FAM135B: variants seen among roughly 807,000 people sequenced by gnomAD.
FAM135B encodes protein FAM135B.
Under a neutral mutation model 127.7 loss-of-function variants are expected in FAM135B, and 43 were observed. The ratio of observed to expected loss-of-function variants is 0.34; its 90% CI spans 0.26 to 0.43. The LOEUF (loss-of-function observed/expected upper bound fraction) is 0.43. Among genes scored for constraint, FAM135B ranks in the 20% least tolerant of loss-of-function variants. The pLI is 1.00. For synonymous variants in FAM135B, 670 were observed against 665.1 expected, an observed-to-expected ratio of 1.01 and a Z score of -0.11; for missense variants, 1,558 against 1,725.6, an observed-to-expected ratio of 0.90 and a Z score of 1.72.
At chr8:138,232,716 A>T (rs910425724) in intron 7 of FAM135B, among the ~76,000 whole-genome samples, 5 of 152,146 alleles carry the variant, frequency 3.3e-5, no homozygotes, top group African/African-American at 1.2e-4. Context: ...TTAACTATAA[A>T]ACTTTTTTCT....
chr8:138,267,857 C>T (rs1183807005), intron 3 of FAM135B, among the ~76,000 whole-genome samples: 2 of 152,212 alleles, frequency 1.3e-5, no homozygotes. Context: ...TTTAGACCTG[C>T]TGTATTCAAA....
At position 138,242,902 on chromosome 8, in the gene FAM135B, G is replaced by A. The variant is rs369969221; in HGVS notation, c.669+40C>T. Reference sequence around the variant, plus strand: ...TAGAACATACACTCTGCAAAGTAAAGTTTGAAAGTTTTGAAGCAACTGCCC... The same window carrying A: ...TAGAACATACACTCTGCAAAGTAAAATTTGAAAGTTTTGAAGCAACTGCCC... On this transcript the variant is annotated intron_variant, in intron 7 of 19. Transcript: ENST00000395297. The surrounding 1 kb of genome is among the most constrained non-coding windows in gnomAD (Gnocchi z 9.6). The A allele has an allele frequency of 1.7e-5, 27 of 1,589,368 alleles. No homozygotes were observed. The East Asian group carries it at 5.6e-4, about 33-fold the overall frequency.
chr8:138,478,504 A>G (rs1326758623), intron 1 of FAM135B, among the ~76,000 whole-genome samples: 1 of 152,068 alleles, frequency 6.6e-6, no homozygotes, highest in Non-Finnish European at 1.5e-5. Context: ...ATAACTTCCA[A>G]ATTATTTGTT....
At chr8:138,403,208 A>G (rs1182932116) in intron 1 of FAM135B, among the ~76,000 whole-genome samples, 1 of 151,918 alleles carries the variant, frequency 6.6e-6, no homozygotes, top group Admixed American at 6.6e-5. Context: ...CAATGAGACA[A>G]CTCCTTACCA....
chr8:138,449,195 C>T (rs1050759141), intron 1 of FAM135B, among the ~76,000 whole-genome samples: 13 of 152,172 alleles, frequency 8.5e-5, no homozygotes, highest in African/African-American at 3.1e-4. Context: ...CATTCAAATG[C>T]TTCTCACATA....
In FAM135B at chr8:138,462,790, C is replaced by T. The variant is rs934940012; in HGVS notation, c.-20+33881G>A. On this transcript the variant is annotated intron_variant, in intron 1 of 19. Transcript: ENST00000395297. Reference sequence around the variant, plus strand: ...TGCAAAGAAACAAGATAGGTCAAGACGTGGAAATGAGAGGAAGGAGGTCCA... The same window carrying T: ...TGCAAAGAAACAAGATAGGTCAAGATGTGGAAATGAGAGGAAGGAGGTCCA... Among the ~76,000 whole-genome samples the T allele has an allele frequency of 4.2e-4, 64 of 152,250 alleles. 1 individual carries two copies. Among genetic ancestry groups the T allele is most frequent in the Admixed American group, 2.7e-3 (41 of 15,284 alleles).
chr8:138,448,193 C>T lies in FAM135B; in HGVS notation c.-20+48478G>A, dbSNP rs908003563. ...TGTGATGGTTGATTTTCTGGGTCAA[C>T]ATGCCTGGGTTACGGGGTGCCCAGA... On this transcript the variant is annotated intron_variant, in intron 1 of 19. Transcript: ENST00000395297. Among the ~76,000 whole-genome samples the T allele has an allele frequency of 2.0e-5, 3 of 151,782 alleles. No homozygotes were observed. In the South Asian group the frequency reaches 6.2e-4, roughly 32 times the overall value.
In FAM135B at chr8:138,151,462, C is replaced by T. The variant is rs759104100; in HGVS notation, c.3013G>A (p.Ala1005Thr). 3 of 1,614,108 alleles carry T rather than the reference C, an allele frequency of 1.9e-6. No homozygotes were observed. Among genetic ancestry groups the T allele is most frequent in the East Asian group, 2.2e-5 (1 of 44,892 alleles). The change falls in exon 13 of 20, where the codon GCA becomes ACA. Residue 1005 changes from alanine (A) to threonine (T), a missense_variant. Ala to Thr is a moderately conservative substitution (Grantham distance 58, BLOSUM62 0). Coordinates refer to ENST00000395297, the MANE Select transcript of FAM135B (RefSeq NM_015912.4). ...SQVLKNQELKAGTSIMGSHLT... is the reference protein window; with the variant it reads ...SQVLKNQELKTGTSIMGSHLT... ...TGGGACCCCATGATGGAAGTGCCTGCCTTCAGCTCTTGGTTTTTCAAAACC... is the reference window on the plus strand; with the variant it reads ...TGGGACCCCATGATGGAAGTGCCTGTCTTCAGCTCTTGGTTTTTCAAAACC...
At position 138,333,007 on chromosome 8, in the gene FAM135B, A is replaced by G. The variant is rs1422775407; in HGVS notation, c.78-22087T>C. Among the ~76,000 whole-genome samples, 4 of 151,188 alleles carry G rather than the reference A, an allele frequency of 2.6e-5. No individual in the cohort carries two copies. In the East Asian group the frequency reaches 5.9e-4, roughly 22 times the overall value. On this transcript the variant is annotated intron_variant, in intron 2 of 19. Coordinates refer to ENST00000395297, the MANE Select transcript of FAM135B (RefSeq NM_015912.4). ...CGCACACACACACACACACACACACACGCTTGTATTTTAGATTAACAGTCC... is the reference window on the plus strand; with the variant it reads ...CGCACACACACACACACACACACACGCGCTTGTATTTTAGATTAACAGTCC...
At chr8:138,492,399 C>T (rs952490133) in intron 1 of FAM135B, among the ~76,000 whole-genome samples, 1 of 152,046 alleles carries the variant, frequency 6.6e-6, no homozygotes, top group Non-Finnish European at 1.5e-5. Flanking sequence ...TTTTTCCCAC[C>T]TCTCATTACC....
intron 1 of FAM135B, among the ~76,000 whole-genome samples, chr8:138,474,616 A>G (rs956739100): frequency 2.6e-5 from 4 of 152,186 alleles, no homozygotes; most frequent in African/African-American, 9.7e-5. Context: ...TCCTACACAC[A>G]GTCACACAGC....
At chr8:138,436,551 CCA>C (rs1181559875) in intron 1 of FAM135B, among the ~76,000 whole-genome samples, 1 of 152,106 alleles carries the variant, frequency 6.6e-6, no homozygotes, top group Non-Finnish European at 1.5e-5. Context: ...GTCTGTGTTC[CCA>C]GGGACCTCCT....
intron 3 of FAM135B, among the ~76,000 whole-genome samples, chr8:138,275,695 T>TA (rs552700213): frequency 0.017 from 2,474 of 147,398 alleles, 31 homozygotes; most frequent in Non-Finnish European, 0.026. Flanking sequence ...AGTTTGTCTC[T>TA]AAAAAAAAAA....
chr8:138,308,222 C>A (rs906214747), intron 3 of FAM135B, among the ~76,000 whole-genome samples: 1 of 152,190 alleles, frequency 6.6e-6, no homozygotes, highest in Non-Finnish European at 1.5e-5. Flanking sequence ...CCAGCTGTCG[C>A]TCATCTGGTG....
At chr8:138,189,073 C>T (rs1031793475) in intron 9 of FAM135B, among the ~76,000 whole-genome samples, 5 of 152,212 alleles carry the variant, frequency 3.3e-5, no homozygotes, top group African/African-American at 1.2e-4. Context: ...ACCCCCCATC[C>T]TATGCCCATA....
chr8:138,278,157 T>A (rs1823976137), intron 3 of FAM135B, among the ~76,000 whole-genome samples: 1 of 151,894 alleles, frequency 6.6e-6, no homozygotes, highest in South Asian at 2.1e-4. Context: ...GGAGAACAGG[T>A]CATCTGGTAG....
intron 3 of FAM135B, among the ~76,000 whole-genome samples, chr8:138,285,283 A>G (rs1220896700): frequency 6.6e-6 from 1 of 151,578 alleles, no homozygotes; most frequent in Non-Finnish European, 1.5e-5. Context: ...GGTAGCTGGA[A>G]TTACAGGCAC....
intron 3 of FAM135B, among the ~76,000 whole-genome samples, chr8:138,279,037 C>T (rs1824060878): frequency 6.6e-6 from 1 of 152,178 alleles, no homozygotes; most frequent in Admixed American, 6.5e-5. Flanking sequence ...ATTGATAATT[C>T]TCAGAAGTCC....
chr8:138,475,630 C>T (rs1814384541), intron 1 of FAM135B, among the ~76,000 whole-genome samples: 1 of 152,286 alleles, frequency 6.6e-6, no homozygotes, highest in Non-Finnish European at 1.5e-5. Context: ...TTTAGTTACT[C>T]AATATCCGCT....
Sources: gnomAD v4.1 joint callset for allele counts (sites outside exome capture counted in the v4.1 genomes callset) on GRCh38, gnomAD v4.1.1 for gene constraint, Gnocchi (gnomAD v3.1) non-coding constraint, MANE v1.5 for transcripts, NCBI Gene and HGNC (gene_info 2026-07-23, HGNC 2026-07-21) for gene names.